PTPRN2: variants seen among roughly 807,000 people sequenced by gnomAD.
The protein encoded by PTPRN2 is protein tyrosine phosphatase receptor type N2, also known as receptor-type tyrosine-protein phosphatase N2.
A neutral mutation model predicts 118.8 loss-of-function variants in PTPRN2; 74 were observed. The observed-to-expected ratio is 0.62, with a 90% CI of 0.52 to 0.76. PTPRN2 has a LOEUF of 0.76. Among genes scored for constraint, PTPRN2 ranks in the 30% least tolerant of loss-of-function variants. The pLI is 0.00. For synonymous variants in PTPRN2, 641 were observed against 608.0 expected (o/e 1.05, Z -0.80); for missense variants, 1,481 against 1,394.4 (o/e 1.06, Z -0.99).
chr7:157,980,840 T>C (rs1585129025), intron 11 of PTPRN2, among the ~76,000 whole-genome samples: 1 of 152,338 alleles, frequency 6.6e-6, no homozygotes, highest in South Asian at 2.1e-4. Flanking sequence ...CGCTCCTCCC[T>C]TTAAGCCTGA....
At chr7:158,128,078 CA>C (rs752715758) in intron 9 of PTPRN2, among the ~76,000 whole-genome samples, 5 of 152,280 alleles carry the variant, frequency 3.3e-5, no homozygotes, top group Admixed American at 6.5e-5. Context: ...AGTTCTAAAC[CA>C]CATTCCTCTC....
At position 158,277,340 on chromosome 7, in the gene PTPRN2, G is replaced by C. The variant is rs111898066; in HGVS notation, c.277+39479C>G. 7.7e-3 allele frequency among the ~76,000 whole-genome samples: 1,179 copies of C among 152,304 alleles called. 16 individuals are homozygous for C. Among genetic ancestry groups the C allele is most frequent in the African/African-American group, 0.027 (1,104 of 41,550 alleles). On this transcript the variant is annotated intron_variant, in intron 3 of 22. Coordinates refer to ENST00000389418, the MANE Select transcript of PTPRN2 (RefSeq NM_002847.5). ...GCCACAACGGGCAGTCAGGGCTTCA[G>C]CCACTCCACGGGCACCAATGCTGAA... is the stretch of plus-strand genomic sequence containing the variant.
At chr7:157,649,117 T>A (rs111705871) in intron 14 of PTPRN2, among the ~76,000 whole-genome samples, 1 of 130,482 alleles carries the variant, frequency 7.7e-6, no homozygotes, top group Non-Finnish European at 1.7e-5. Flanking sequence ...GTCGGACCCA[T>A]TCACTGTGCA....
At chr7:158,158,545 TCAGGAGAATCAGGAGCCCGTGTGATTGGC>T (rs1822054913) in intron 6 of PTPRN2, among the ~76,000 whole-genome samples, 2 of 115,434 alleles carry the variant, frequency 1.7e-5, no homozygotes, top group African/African-American at 6.1e-5. Context: ...ATGAGTGAAC[TCAGGAGAATCAGGAGCCCGTGTGATTGGC>T]CGGGACTTCG....
chr7:158,440,488 GGTGATGGTA>G (rs1339594976), intron 2 of PTPRN2, among the ~76,000 whole-genome samples: 2 of 148,726 alleles, frequency 1.3e-5, no homozygotes, highest in Admixed American at 6.6e-5. Flanking sequence ...TGATGATGGT[GGTGATGGTA>G]GTGATGGTAA....
At chr7:158,180,164 A>T (rs1248088449) in intron 5 of PTPRN2, among the ~76,000 whole-genome samples, 1 of 152,250 alleles carries the variant, frequency 6.6e-6, no homozygotes, top group Non-Finnish European at 1.5e-5. Flanking sequence ...CCCTGCATCA[A>T]TAGAGATCCA....
chr7:158,448,369 C>T (rs991833252), intron 2 of PTPRN2, among the ~76,000 whole-genome samples: 1 of 152,172 alleles, frequency 6.6e-6, no homozygotes, highest in Admixed American at 6.5e-5. Context: ...AGCATGAAAA[C>T]CCCCCAAAAA....
intron 12 of PTPRN2, among the ~76,000 whole-genome samples, chr7:157,734,697 G>A (rs1800197501): frequency 6.6e-6 from 1 of 152,180 alleles, no homozygotes; most frequent in South Asian, 2.1e-4. Flanking sequence ...ACTTACATCT[G>A]GGGTCAAGCC....
intron 20 of PTPRN2, among the ~76,000 whole-genome samples, chr7:157,570,496 G>A (rs115747873): frequency 0.012 from 1,760 of 152,292 alleles, 33 homozygotes; most frequent in African/African-American, 0.04. Context: ...ATTCCAGGCA[G>A]GAAGAACATT....
chr7:158,087,924 T>C lies in PTPRN2; in HGVS notation c.1644-6547A>G, dbSNP rs150167987. Among the ~76,000 whole-genome samples the C allele has an allele frequency of 2.0e-3, 64 of 32,400 alleles. 3 individuals are homozygous for C. Among genetic ancestry groups the C allele is most frequent in the South Asian group, 0.01 (3 of 294 alleles). The allele number at this position is 32,400 out of a possible 152,430, so 21.3% of individuals were successfully genotyped here. On this transcript the variant is annotated intron_variant, in intron 10 of 22. Transcript: ENST00000389418. ...GAGGGAGTCTTCACACACATCCTTC[T>C]TCCCCTGATGAAAGAGGGAGTCTTC...
Position 157,550,976 on chromosome 7 carries a change from G to A in PTPRN2, c.2903-1957C>T, listed in dbSNP as rs185110104. Among the ~76,000 whole-genome samples the A allele has an allele frequency of 4.8e-3, 727 of 152,302 alleles. 6 individuals are homozygous for A. The highest frequency in any genetic ancestry group is 0.017 in the African/African-American group (695 of 41,562). ...GTTTGTGAAATGGTAGAGAGGAAGGGAGGAAGCCAAAGGACCCCTCCTGCG... is the reference window on the plus strand; with the variant it reads ...GTTTGTGAAATGGTAGAGAGGAAGGAAGGAAGCCAAAGGACCCCTCCTGCG... On this transcript the variant is annotated intron_variant, in intron 21 of 22. Transcript: ENST00000389418. This position sits in a 1 kb window ranked among gnomAD's most constrained non-coding sequence, Gnocchi z 5.2.
intron 12 of PTPRN2, among the ~76,000 whole-genome samples, chr7:157,895,546 A>C (rs1028373289): frequency 1.3e-5 from 2 of 152,266 alleles, no homozygotes; most frequent in African/African-American, 4.8e-5. Context: ...TAAATTACTA[A>C]ATAAAAATTT....
At chr7:158,229,576 G>A (rs1829035385) in intron 3 of PTPRN2, among the ~76,000 whole-genome samples, 1 of 152,010 alleles carries the variant, frequency 6.6e-6, no homozygotes, top group African/African-American at 2.4e-5. Context: ...TCTTGGAACT[G>A]AGAAATACAT....
At position 157,715,172 on chromosome 7, in the gene PTPRN2, C is replaced by A. The variant is rs188412113; in HGVS notation, c.1789-32235G>T. Among the ~76,000 whole-genome samples the A allele has an allele frequency of 7.2e-5, 11 of 152,292 alleles. No homozygotes were observed. In the East Asian group the frequency reaches 1.9e-3, roughly 27 times the overall value. ...TAAAATGGCCTTGAGAAAAGCACCCCCTGCAGGGTGGGAGAGAAATACCGA... is the reference window on the plus strand; with the variant it reads ...TAAAATGGCCTTGAGAAAAGCACCCACTGCAGGGTGGGAGAGAAATACCGA... On this transcript the variant is annotated intron_variant, in intron 12 of 22. Coordinates refer to ENST00000389418, the MANE Select transcript of PTPRN2 (RefSeq NM_002847.5).
intron 14 of PTPRN2, among the ~76,000 whole-genome samples, chr7:157,635,878 A>T (rs187594690): frequency 6.6e-6 from 1 of 152,334 alleles, no homozygotes; most frequent in Admixed American, 6.5e-5. Context: ...CTATTGCATA[A>T]TCCATTCCCA....
intron 11 of PTPRN2, among the ~76,000 whole-genome samples, chr7:157,935,050 T>C (rs1032184643): frequency 6.6e-6 from 1 of 152,208 alleles, no homozygotes; most frequent in Non-Finnish European, 1.5e-5. Context: ...CTCCTGGGAA[T>C]GTAACGTCTC....
intron 17 of PTPRN2, among the ~76,000 whole-genome samples, chr7:157,588,333 C>T (rs908482242): frequency 1.3e-5 from 2 of 152,192 alleles, no homozygotes; most frequent in Non-Finnish European, 1.5e-5. Flanking sequence ...TAGAAGGTGG[C>T]GCAGCAGGTG....
intron 2 of PTPRN2, among the ~76,000 whole-genome samples, chr7:158,434,252 CAT>C (rs1405462187): frequency 1.3e-5 from 2 of 152,178 alleles, no homozygotes; most frequent in Non-Finnish European, 2.9e-5. Context: ...TCTCTAAATA[CAT>C]GACAGGACAC....
Position 158,081,494 on chromosome 7 carries a change from G to A in PTPRN2, c.1644-117C>T, listed in dbSNP as rs1029639011. On this transcript the variant is annotated intron_variant, in intron 10 of 22. Coordinates refer to ENST00000389418, the MANE Select transcript of PTPRN2 (RefSeq NM_002847.5). Reference sequence around the variant, plus strand: ...AAAAACGCAAACATCCAAGGCCGCTGTGGCTCCAGGCGTCGACTCCACTGG... The same window carrying A: ...AAAAACGCAAACATCCAAGGCCGCTATGGCTCCAGGCGTCGACTCCACTGG... 22 of 933,014 alleles carry A rather than the reference G, an allele frequency of 2.4e-5. No homozygotes were observed. The Admixed American group carries it at 4.0e-4, about 17-fold the overall frequency. 57.8% of individuals were successfully genotyped at this position (933,014 alleles called of 1,614,324 possible).
Sources: gnomAD v4.1 joint callset for allele counts (sites outside exome capture counted in the v4.1 genomes callset) on GRCh38, gnomAD v4.1.1 for gene constraint, Gnocchi (gnomAD v3.1) non-coding constraint, MANE v1.5 for transcripts, NCBI Gene and HGNC (gene_info 2026-07-23, HGNC 2026-07-21) for gene names.